The following GLIPR2 variants were observed in gnomAD, a reference collection of about 807,000 sequenced individuals.
GLIPR2 encodes the protein Golgi-associated plant pathogenesis-related protein 1.
GLIPR2 carries 21 observed loss-of-function variants against 20.4 expected under a neutral mutation model. The observed-to-expected ratio is 1.03, with a 90% CI of 0.73 to 1.48. The LOEUF is 1.48. Among genes scored for constraint, GLIPR2 ranks in the 40% most tolerant of loss-of-function variants. The probability of loss-of-function intolerance (pLI) is 0.00; values close to 1 mark genes in which losing one functional copy is unlikely to be tolerated. For synonymous variants in GLIPR2, 91 were observed against 80.5 expected (o/e 1.13, Z -0.70); for missense variants, 205 against 200.1 (o/e 1.02, Z -0.15).
At chr9:36,137,650 G>A (rs1824886499) in intron 1 of GLIPR2, among the ~76,000 whole-genome samples, 1 of 152,230 alleles carries the variant, frequency 6.6e-6, no homozygotes, top group Admixed American at 6.5e-5. Flanking sequence ...CCGGGGACAA[G>A]AGTTCAGCCA....
At chr9:36,139,239 C>T (rs1824964202) in intron 1 of GLIPR2, among the ~76,000 whole-genome samples, 1 of 152,054 alleles carries the variant, frequency 6.6e-6, no homozygotes, top group South Asian at 2.1e-4. Flanking sequence ...TTACTTCTCA[C>T]TCAGGAGAGG....
chr9:36,162,094 G>A (rs1234039968), intron 4 of GLIPR2: 3 of 529,962 alleles, frequency 5.7e-6, no homozygotes, highest in African/African-American at 2.0e-5. Flanking sequence ...AGAATCACTC[G>A]AACCCAGGAG....
In GLIPR2 at chr9:36,147,868, CA is replaced by C. The variant is rs777829875; in HGVS notation, c.98del (p.Lys33ArgfsTer134). 49 of 1,574,100 alleles carry C rather than the reference CA, an allele frequency of 3.1e-5. No homozygotes were observed. The highest frequency in any genetic ancestry group is 4.0e-5 in the Non-Finnish European group (46 of 1,143,592). ...KHGVPPLKLC[K>X]NLNREAQQYS... ...ACGGCGTCCCCCCACTGAAGCTCTG[CA>C]AGAACCTCAACCGGGAGGCTCAACA... On this transcript the variant is annotated frameshift_variant, in exon 2 of 5. Coordinates refer to ENST00000377960, the MANE Select transcript of GLIPR2 (RefSeq NM_022343.4). LOFTEE classifies it high-confidence loss of function.
chr9:36,157,719 T>C (rs140808996), intron 4 of GLIPR2, among the ~76,000 whole-genome samples: 1 of 149,722 alleles, frequency 6.7e-6, no homozygotes, highest in Non-Finnish European at 1.5e-5. Context: ...CACACATATA[T>C]ATATACACAT....
At chr9:36,145,222 C>A (rs1825271099) in intron 1 of GLIPR2, among the ~76,000 whole-genome samples, 1 of 152,272 alleles carries the variant, frequency 6.6e-6, no homozygotes, top group South Asian at 2.1e-4. Context: ...GAGAAAGGAA[C>A]TCCCAGATTC....
chr9:36,140,211 AC>A (rs1482132435), intron 1 of GLIPR2, among the ~76,000 whole-genome samples: 1 of 151,648 alleles, frequency 6.6e-6, no homozygotes, highest in Non-Finnish European at 1.5e-5. Context: ...ACTTCCACAC[AC>A]CCTCTCATCA....
chr9:36,136,882 TG>T lies in GLIPR2; in HGVS notation c.13+95del. On this transcript the variant is annotated intron_variant, in intron 1 of 4. Transcript: ENST00000377960. The surrounding 1 kb of genome is among the most constrained non-coding windows in gnomAD (Gnocchi z 4.3). ...CCCTCGTCCGCCGCAAGCCAGGTCC[TG>T]GGGAGTGCGGGAGCCCGGGGTGCGG... 4 of 1,224,530 alleles carry T rather than the reference TG, an allele frequency of 3.3e-6. No individual in the cohort carries two copies. The highest frequency in any genetic ancestry group is 3.8e-5 in the South Asian group (1 of 26,264). The allele number at this position is 1,224,530 out of a possible 1,614,324, so 75.9% of individuals were successfully genotyped here. A position where few individuals can be genotyped will look rare whatever the true frequency, so the allele number is the denominator to read the frequency against.
At chr9:36,141,443 C>T (rs1442171169) in intron 1 of GLIPR2, among the ~76,000 whole-genome samples, 5 of 102,776 alleles carry the variant, frequency 4.9e-5, no homozygotes, top group African/African-American at 1.8e-4. Flanking sequence ...GGCTGCTTTC[C>T]AGCCTTTTGC....
At chr9:36,141,752 C>G in intron 1 of GLIPR2, 1 of 445,938 alleles carries the variant, frequency 2.2e-6, no homozygotes, top group Admixed American at 2.5e-5. Context: ...CTCCTGGGCT[C>G]AAGCGATCCT....
chr9:36,136,995 G>A lies in GLIPR2; in HGVS notation c.13+204G>A, dbSNP rs982367011. 2.0e-5 allele frequency: 10 copies of A among 508,266 alleles called. No individual in the cohort carries two copies. The highest frequency in any genetic ancestry group is 1.8e-4 in the African/African-American group (9 of 50,284). The allele number at this position is 508,266 out of a possible 1,614,324, so 31.5% of individuals were successfully genotyped here. ...GCCCGAGGGAGGCCCCCGCCGGAGA[G>A]CCGGGGATCGCGCCAAGTTGGGCTT... On this transcript the variant is annotated intron_variant, in intron 1 of 4. Transcript: ENST00000377960. The surrounding 1 kb of genome is among the most constrained non-coding windows in gnomAD (Gnocchi z 4.3).
chr9:36,145,693 G>T (rs555389326), intron 1 of GLIPR2, among the ~76,000 whole-genome samples: 1 of 151,994 alleles, frequency 6.6e-6, no homozygotes, highest in East Asian at 1.9e-4. Context: ...GGAGGATGTT[G>T]GATGGATGGA....
upstream of GLIPR2, chr9:36,136,628 C>T (rs981745100): frequency 6.8e-5 from 35 of 517,290 alleles, no homozygotes; most frequent in African/African-American, 1.0e-4. This position sits in a 1 kb window ranked among gnomAD's most constrained non-coding sequence, Gnocchi z 4.3. Context: ...GGCGCCTCCG[C>T]CCTCAGCTGT....
chr9:36,141,447 C>G (rs1244044449), intron 1 of GLIPR2, among the ~76,000 whole-genome samples: 1 of 71,198 alleles, frequency 1.4e-5, no homozygotes, highest in Admixed American at 1.7e-4. Flanking sequence ...GCTTTCCAGC[C>G]TTTTGCCAAG....
At chr9:36,156,731 A>G (rs1295657656) in intron 4 of GLIPR2, among the ~76,000 whole-genome samples, 1 of 152,208 alleles carries the variant, frequency 6.6e-6, no homozygotes, top group African/African-American at 2.4e-5. Flanking sequence ...TCATAGGAGC[A>G]TGAACCCTAT....
At chr9:36,159,977 T>A (rs1489263155) in intron 4 of GLIPR2, among the ~76,000 whole-genome samples, 6 of 151,944 alleles carry the variant, frequency 3.9e-5, no homozygotes. Context: ...AATAAATAAA[T>A]AAATAAAAGG....
At chr9:36,151,012 T>G in intron 4 of GLIPR2, 63 bp downstream of exon 4, 1 of 1,069,790 alleles carries the variant, frequency 9.3e-7, no homozygotes, top group South Asian at 1.3e-5. Flanking sequence ...GGTGTCTGAC[T>G]TCAGGGAGGA....
chr9:36,142,084 T>G (rs1168095265), intron 1 of GLIPR2, among the ~76,000 whole-genome samples: 1 of 152,154 alleles, frequency 6.6e-6, no homozygotes, highest in Non-Finnish European at 1.5e-5. Context: ...CTGGGGTCCC[T>G]CAGCCAGGTA....
chr9:36,156,307 A>G lies in GLIPR2; in HGVS notation c.304+5358A>G, dbSNP rs562101037. Among the ~76,000 whole-genome samples the G allele has an allele frequency of 9.8e-5, 14 of 142,526 alleles. No individual in the cohort carries two copies. In the East Asian group the frequency reaches 1.1e-3, roughly 12 times the overall value. The allele number at this position is 142,526 out of a possible 152,430, so 93.5% of individuals were successfully genotyped here. On this transcript the variant is annotated intron_variant, in intron 4 of 4. Transcript: ENST00000377960. ...GAGGCTGACGTGGGAGGATTGCTTGAGTCAAGGAGTTGGAGGTTGCAGTGA... is the reference window on the plus strand; with the variant it reads ...GAGGCTGACGTGGGAGGATTGCTTGGGTCAAGGAGTTGGAGGTTGCAGTGA...
intron 1 of GLIPR2, among the ~76,000 whole-genome samples, chr9:36,141,164 C>G (rs1825060391): frequency 6.6e-6 from 1 of 152,218 alleles, no homozygotes; most frequent in African/African-American, 2.4e-5. Context: ...TCATTTAACT[C>G]TCACTGCAGC....
Sources: gnomAD v4.1 joint callset for allele counts (sites outside exome capture counted in the v4.1 genomes callset) on GRCh38, gnomAD v4.1.1 for gene constraint, Gnocchi (gnomAD v3.1) non-coding constraint, MANE v1.5 for transcripts, NCBI Gene and HGNC (gene_info 2026-07-23, HGNC 2026-07-21) for gene names.